Variants in CSMD3 observed in about 807,000 individuals in gnomAD.
CSMD3 encodes CUB and Sushi multiple domains 3.
A neutral mutation model predicts 435.2 loss-of-function variants in CSMD3; 177 were observed. The observed-to-expected ratio is 0.41, with a 90% CI of 0.36 to 0.46. CSMD3 has a LOEUF of 0.46. Ranked by LOEUF, CSMD3 falls within the 20% of genes least tolerant of loss-of-function variation. CSMD3 has a pLI of 0.34. For synonymous variants in CSMD3, 1,656 were observed against 1,520.5 expected, an observed-to-expected ratio of 1.09 and a Z score of -2.07; for missense variants, 4,265 against 4,504.6, an observed-to-expected ratio of 0.95 and a Z score of 1.52.
chr8:113,222,659 G>T (rs1160709071), intron 3 of CSMD3, among the ~76,000 whole-genome samples: 1 of 150,854 alleles, frequency 6.6e-6, no homozygotes, highest in East Asian at 1.9e-4. Flanking sequence ...ATCACTAAAT[G>T]TACTCTGTAT....
chr8:112,666,268 T>G lies in CSMD3; in HGVS notation c.2816+9A>C. 6.2e-7 allele frequency: 1 copy of G among 1,602,902 alleles called. No homozygotes were observed. Among genetic ancestry groups the G allele is most frequent in the Non-Finnish European group, 8.5e-7 (1 of 1,171,228 alleles). On this transcript the variant is annotated intron_variant, in intron 17 of 70. Transcript: ENST00000297405. ...TTTTCTTTAAAAGTAGGAAAAATATTTGTGAGACCTTTCAAATGTAATTTT... is the reference window on the plus strand; with the variant it reads ...TTTTCTTTAAAAGTAGGAAAAATATGTGTGAGACCTTTCAAATGTAATTTT...
chr8:112,564,116 T>C (rs778210011), intron 24 of CSMD3, among the ~76,000 whole-genome samples: 1 of 151,988 alleles, frequency 6.6e-6, no homozygotes, highest in African/African-American at 2.4e-5. Flanking sequence ...GAAATTGGTT[T>C]TGGCCCATGT....
At chr8:113,091,660 A>G (rs1564304421) in intron 5 of CSMD3, among the ~76,000 whole-genome samples, 1 of 149,412 alleles carries the variant, frequency 6.7e-6, no homozygotes, top group Non-Finnish European at 1.5e-5. Context: ...TCTGCTCTCC[A>G]TCTCTCTCTC....
At position 112,929,059 on chromosome 8, in the gene CSMD3, T is replaced by G. The variant is rs200315659; in HGVS notation, c.1509-7308A>C. 4.6e-4 allele frequency among the ~76,000 whole-genome samples: 69 copies of G among 149,878 alleles called. 2 individuals carry two copies. In the East Asian group the frequency reaches 0.013, roughly 29 times the overall value. ...GCCAGTGATGGTGAGCATTTTCTCA[T>G]GTGTTTTTTGGCTGCATAAATGTCT... On this transcript the variant is annotated intron_variant, in intron 9 of 70. Coordinates refer to ENST00000297405, the MANE Select transcript of CSMD3 (RefSeq NM_198123.2).
At chr8:112,975,006 C>T (rs142343165) in intron 7 of CSMD3, among the ~76,000 whole-genome samples, 8 of 151,472 alleles carry the variant, frequency 5.3e-5, no homozygotes, top group African/African-American at 1.7e-4. Context: ...ATACATATAT[C>T]GATATAAATA....
chr8:112,536,895 C>G lies in CSMD3; in HGVS notation c.4564+13776G>C, dbSNP rs548944133. Among the ~76,000 whole-genome samples the G allele has an allele frequency of 2.6e-5, 4 of 152,050 alleles. No homozygotes were observed. In the East Asian group the frequency reaches 7.8e-4, roughly 29 times the overall value. ...GGACATGGATGAAATTGGAAATCAT[C>G]ATTCTCAGTAAACTATTGCAAGAAC... On this transcript the variant is annotated intron_variant, in intron 27 of 70. Coordinates refer to ENST00000297405, the MANE Select transcript of CSMD3 (RefSeq NM_198123.2).
At chr8:113,397,965 C>T (rs966418603) in intron 1 of CSMD3, among the ~76,000 whole-genome samples, 1 of 151,980 alleles carries the variant, frequency 6.6e-6, no homozygotes, top group South Asian at 2.1e-4. Context: ...ATTGTGCCTC[C>T]ATTTTTTCAT....
intron 5 of CSMD3, among the ~76,000 whole-genome samples, chr8:113,075,348 A>T (rs2089295273): frequency 6.6e-6 from 1 of 151,826 alleles, no homozygotes; most frequent in Admixed American, 6.6e-5. Flanking sequence ...GAAAGCATTA[A>T]TCATATTAAA....
At chr8:112,779,247 T>C (rs1404918262) in intron 13 of CSMD3, among the ~76,000 whole-genome samples, 1 of 151,792 alleles carries the variant, frequency 6.6e-6, no homozygotes, top group Non-Finnish European at 1.5e-5. Context: ...TTTTCATTAA[T>C]ATGTGGGTTA....
intron 50 of CSMD3, among the ~76,000 whole-genome samples, chr8:112,307,807 C>G (rs576516195): frequency 2.0e-5 from 3 of 152,228 alleles, no homozygotes; most frequent in Admixed American, 6.5e-5. Flanking sequence ...TATATTTTCT[C>G]TCATAACAGA....
At chr8:113,181,765 T>C (rs529300232) in intron 3 of CSMD3, among the ~76,000 whole-genome samples, 3 of 152,022 alleles carry the variant, frequency 2.0e-5, no homozygotes, top group Non-Finnish European at 4.4e-5. Context: ...GGAGGCATAT[T>C]AGCAGCCATA....
chr8:112,350,835 G>T (rs1826073162), intron 40 of CSMD3, among the ~76,000 whole-genome samples: 1 of 151,948 alleles, frequency 6.6e-6, no homozygotes, highest in East Asian at 1.9e-4. Flanking sequence ...TCAATAGTAA[G>T]CAATAGAATA....
At chr8:112,938,346 G>T (rs1192644449) in intron 9 of CSMD3, among the ~76,000 whole-genome samples, 1 of 152,128 alleles carries the variant, frequency 6.6e-6, no homozygotes, top group African/African-American at 2.4e-5. Flanking sequence ...TGGTCTGACT[G>T]TATACCTCGA....
At chr8:112,554,029 A>G (rs1044964091) in intron 25 of CSMD3, among the ~76,000 whole-genome samples, 16 of 148,466 alleles carry the variant, frequency 1.1e-4, no homozygotes, top group South Asian at 2.1e-4. Flanking sequence ...TCCTGGGGGG[A>G]AAAAAAAGAA....
At chr8:112,283,800 T>C (rs772035643) in intron 58 of CSMD3, among the ~76,000 whole-genome samples, 2 of 151,754 alleles carry the variant, frequency 1.3e-5, no homozygotes, top group Non-Finnish European at 3.0e-5. Context: ...ATGTTTAAGA[T>C]AAATATCTAA....
intron 32 of CSMD3, among the ~76,000 whole-genome samples, chr8:112,442,339 C>T (rs1360881354): frequency 6.6e-6 from 1 of 152,128 alleles, no homozygotes; most frequent in African/African-American, 2.4e-5. Flanking sequence ...AGACAAATAT[C>T]CAAACTATAT....
At chr8:112,741,893 C>A (rs900504521) in intron 13 of CSMD3, among the ~76,000 whole-genome samples, 1 of 151,538 alleles carries the variant, frequency 6.6e-6, no homozygotes, top group Non-Finnish European at 1.5e-5. Flanking sequence ...TTAGAGAAAC[C>A]AGTGGAAAAT....
At chr8:112,610,904 A>G (rs187707890) in intron 22 of CSMD3, among the ~76,000 whole-genome samples, 350 of 152,268 alleles carry the variant, frequency 2.3e-3, no homozygotes, top group African/African-American at 8.0e-3. Context: ...ATTCAGAAAG[A>G]AGCTTCATGC....
intron 5 of CSMD3, among the ~76,000 whole-genome samples, chr8:113,041,921 G>C (rs1215814655): frequency 4.6e-5 from 7 of 152,090 alleles, no homozygotes; most frequent in Non-Finnish European, 1.0e-4. Context: ...CTATGCAGCT[G>C]TCAGTTTTCT....
Sources: gnomAD v4.1 joint callset for allele counts (sites outside exome capture counted in the v4.1 genomes callset) on GRCh38, gnomAD v4.1.1 for gene constraint, MANE v1.5 for transcripts, NCBI Gene and HGNC (gene_info 2026-07-23, HGNC 2026-07-21) for gene names.